Variants in NARS1 observed in about 807,000 individuals in gnomAD.
The protein encoded by NARS1 is asparaginyl-tRNA synthetase 1, also known as asparagine--tRNA ligase, cytoplasmic.
In NARS1, 65 loss-of-function variants were observed where a neutral mutation model predicts 79.2. The observed-to-expected ratio is 0.82, with a 90% CI of 0.67 to 1.01. The LOEUF is 1.01. Among genes scored for constraint, NARS1 ranks in the 50% least tolerant of loss-of-function variants. The probability of loss-of-function intolerance (pLI) is 0.00; values close to 1 mark genes in which losing one functional copy is unlikely to be tolerated. For synonymous variants in NARS1, 229 were observed against 238.8 expected, an observed-to-expected ratio of 0.96 and a Z score of 0.38; for missense variants, 649 against 673.8, an observed-to-expected ratio of 0.96 and a Z score of 0.41.
intron 2 of NARS1, among the ~76,000 whole-genome samples, chr18:57,616,766 G>T (rs1324316703): frequency 6.6e-6 from 1 of 151,576 alleles, no homozygotes; most frequent in Non-Finnish European, 1.5e-5. Flanking sequence ...ATTCTGGGGG[G>T]CCGAGGAGGG....
chr18:57,621,739 C>T lies in NARS1; in HGVS notation c.-22G>A. ...CCATGCCTGCAGTGGCCCTGGTCAC[C>T]TCCAAGGACACAGACTGCAACACCG... On this transcript the variant is annotated 5_prime_UTR_variant, in exon 1 of 14. Transcript: ENST00000256854. 1 of 1,614,016 alleles carries T rather than the reference C, an allele frequency of 6.2e-7. No individual in the cohort carries two copies. The highest frequency in any genetic ancestry group is 8.5e-7 in the Non-Finnish European group (1 of 1,180,028).
Position 57,621,817 on chromosome 18 carries a change from G to A in NARS1, c.-100C>T, listed in dbSNP as rs764363158. The A allele has an allele frequency of 4.5e-5, 72 of 1,589,110 alleles. No homozygotes were observed. Among genetic ancestry groups the A allele is most frequent in the Non-Finnish European group, 6.0e-5 (70 of 1,170,856 alleles). On this transcript the variant is annotated 5_prime_UTR_variant, in exon 1 of 14. The change creates a premature stop within an existing upstream ORF in the 5' untranslated region. Transcript: ENST00000256854. ...CGGCGGTTTCCGCGATTCCGGCGTT[G>A]CATCAGAGAGCGTAGATCTGAGGGC...
In NARS1 at chr18:57,607,622, A is replaced by G. The variant is rs199695428; in HGVS notation, c.623T>C (p.Ile208Thr). 1.2e-5 allele frequency: 19 copies of G among 1,614,138 alleles called. No individual in the cohort carries two copies. Among genetic ancestry groups the G allele is most frequent in the East Asian group, 4.5e-5 (2 of 44,872 alleles). Residue 208 changes from isoleucine (I) to threonine (T), a missense_variant, in exon 8 of 14, where the codon ATT becomes ACT. By Grantham distance (89) the Ile-to-Thr change is moderately conservative. Transcript: ENST00000256854. ...AGCTCCTCCAGCAGGGGCCAACCCA[A>G]TTAGTTCCCAGAAGTCACAACTCAG... ...HELSCDFWEL[I>T]GLAPAGGADN... is the part of the protein sequence containing the mutation.
At chr18:57,615,610 C>T in intron 4 of NARS1, 31 bp downstream of exon 4, 3 of 1,478,688 alleles carry the variant, frequency 2.0e-6, no homozygotes, top group East Asian at 2.3e-5. Context: ...GTAGCCAAGT[C>T]CACGGTATTT....
intron 4 of NARS1, among the ~76,000 whole-genome samples, chr18:57,615,099 CAGAGG>C: frequency 6.6e-6 from 1 of 152,220 alleles, no homozygotes; most frequent in African/African-American, 2.4e-5. Flanking sequence ...GCCCAGGAGG[CAGAGG>C]TTGCAGTGAG....
chr18:57,618,558 G>A (rs113772681), intron 2 of NARS1, among the ~76,000 whole-genome samples: 2,623 of 152,182 alleles, frequency 0.017, 66 homozygotes, highest in African/African-American at 0.052. Context: ...GCTGCAAAAC[G>A]AGGCACCCGA....
At chr18:57,609,563 A>C in intron 6 of NARS1, 120 bp from the exon 7 acceptor site, 1 of 697,162 alleles carries the variant, frequency 1.4e-6, no homozygotes, top group Non-Finnish European at 2.4e-6. Flanking sequence ...TAAAATAAAG[A>C]GTGAGATGGC....
intron 5 of NARS1, among the ~76,000 whole-genome samples, chr18:57,613,215 C>T (rs980813296): frequency 6.6e-6 from 1 of 151,596 alleles, no homozygotes; most frequent in African/African-American, 2.4e-5. Flanking sequence ...AAAAGAGGGC[C>T]GGGCGCAGCG....
Position 57,601,785 on chromosome 18 carries a change from T to C in NARS1, c.1516-2A>G. 3 of 1,612,408 alleles carry C rather than the reference T, an allele frequency of 1.9e-6. No individual in the cohort carries two copies. Among genetic ancestry groups the C allele is most frequent in the Non-Finnish European group, 2.5e-6 (3 of 1,178,988 alleles). On this transcript the variant is annotated splice_acceptor_variant, in intron 13 of 13. Coordinates refer to ENST00000256854, the MANE Select transcript of NARS1 (RefSeq NM_004539.4). LOFTEE classifies it high-confidence loss of function. ...ATGGGGACATGTACCGTATTTTCTC[T>C]GTTTAAAAAAAGAAAGAAAGAAAGA...
In NARS1 at chr18:57,607,276, G is replaced by C. The variant is rs2051566182; in HGVS notation, c.859C>G (p.Leu287Val). 1 of 1,614,062 alleles carries C rather than the reference G, an allele frequency of 6.2e-7. No homozygotes were observed. The highest frequency in any genetic ancestry group is 8.5e-7 in the Non-Finnish European group (1 of 1,180,036). The stretch of plus-strand genomic sequence containing the variant: ...AATGCCTCTTCCCCAAAATAGTCAA[G>C]CTTGAAGAGTGTGGCACCACCTTCT... ...QVEGGATLFK[L>V]DYFGEEAFLT... Residue 287 changes from leucine (L) to valine (V), a missense_variant, in exon 9 of 14, where the codon CTT becomes GTT. Leu to Val is a conservative substitution (Grantham distance 32). Transcript: ENST00000256854.
intron 1 of NARS1, 70 bp downstream of exon 1, chr18:57,621,638 C>T (rs1599043416): frequency 1.3e-6 from 2 of 1,505,178 alleles, no homozygotes; most frequent in South Asian, 2.2e-5. Flanking sequence ...AGGAAAGCGC[C>T]GAAACCCGAC....
chr18:57,602,741 C>A, intron 12 of NARS1, 71 bp downstream of exon 12: 1 of 1,526,316 alleles, frequency 6.6e-7, no homozygotes, highest in Non-Finnish European at 8.9e-7. Context: ...TGAGCTGTAC[C>A]TGATTCCAGA....
At chr18:57,612,384 G>A (rs1207035234) in intron 5 of NARS1, among the ~76,000 whole-genome samples, 2 of 152,032 alleles carry the variant, frequency 1.3e-5, no homozygotes, top group African/African-American at 4.8e-5. Context: ...TGTCCTAAAG[G>A]TCCAATTACT....
At chr18:57,620,682 C>G in intron 1 of NARS1, 31 bp from the exon 2 acceptor site, 1 of 1,421,574 alleles carries the variant, frequency 7.0e-7, no homozygotes, top group Non-Finnish European at 9.9e-7. Context: ...AAGTTATGGT[C>G]TGGCCATTAA....
chr18:57,620,276 T>C (rs945135523), intron 2 of NARS1, among the ~76,000 whole-genome samples: 1 of 152,084 alleles, frequency 6.6e-6, no homozygotes, highest in Non-Finnish European at 1.5e-5. Flanking sequence ...AACTTTTATC[T>C]TTACAAGAAT....
intron 6 of NARS1, among the ~76,000 whole-genome samples, chr18:57,610,988 A>T (rs2051600557): frequency 1.5e-5 from 2 of 135,410 alleles, no homozygotes; most frequent in African/African-American, 5.7e-5. Flanking sequence ...TTTTTTTGAG[A>T]CAAGGTTTCA....
chr18:57,603,048 G>T (rs955026325), intron 11 of NARS1, 105 bp from the exon 12 acceptor site: 3 of 1,102,554 alleles, frequency 2.7e-6, no homozygotes, highest in African/African-American at 1.6e-5. Flanking sequence ...ATTCAACAGA[G>T]TAGAGGATAC....
rs372202490 is a variant in NARS1 at position 57,602,131 on chromosome 18, C to T, written c.1515+224G>A. On this transcript the variant is annotated intron_variant, in intron 13 of 13. Coordinates refer to ENST00000256854, the MANE Select transcript of NARS1 (RefSeq NM_004539.4). ...GGATCAATTTTTTAAAACTCAGTTG[C>T]AATCAACAAGCCGGCCGTTAAACAG... Among the ~76,000 whole-genome samples the T allele has an allele frequency of 7.9e-5, 12 of 152,152 alleles. No individual in the cohort carries two copies. The East Asian group carries it at 1.9e-3, about 24-fold the overall frequency.
rs2051571101 is a variant in NARS1 at position 57,607,683 on chromosome 18, G to A, written c.580-18C>T. The A allele has an allele frequency of 1.3e-6, 2 of 1,584,624 alleles. No individual in the cohort carries two copies. Among genetic ancestry groups the A allele is most frequent in the Admixed American group, 1.8e-5 (1 of 56,528 alleles). On this transcript the variant is annotated intron_variant, in intron 7 of 13. Transcript: ENST00000256854. Reference sequence around the variant, plus strand: ...CCTGGAGCCTGCATTTTTTAAAAGTGGGGTCCAGAGAAAGAGGGAAAAGGA... The same window carrying A: ...CCTGGAGCCTGCATTTTTTAAAAGTAGGGTCCAGAGAAAGAGGGAAAAGGA...
Sources: allele counts gnomAD v4.1 joint callset (sites outside exome capture counted in the v4.1 genomes callset), GRCh38; gene constraint gnomAD v4.1.1; transcripts MANE v1.5; gene names NCBI Gene and HGNC (gene_info 2026-07-23, HGNC 2026-07-21).